The following NRG3 variants were observed in gnomAD, a reference collection of about 807,000 sequenced individuals.
NRG3 encodes pro-neuregulin-3, membrane-bound isoform.
Under a neutral mutation model 66.9 loss-of-function variants are expected in NRG3, and 31 were observed. That is an observed-to-expected ratio of 0.46 (90% confidence interval 0.35 to 0.63). The LOEUF is 0.63. Among genes scored for constraint, NRG3 ranks in the 20% least tolerant of loss-of-function variants. The pLI is 0.00. For missense variants in NRG3, 910 were observed against 878.9 expected (o/e 1.04, Z -0.45); for synonymous variants, 393 against 359.4 (o/e 1.09, Z -1.06).
intron 1 of NRG3, among the ~76,000 whole-genome samples, chr10:82,351,673 T>G (rs1055944302): frequency 4.6e-5 from 7 of 152,174 alleles, no homozygotes; most frequent in Non-Finnish European, 8.8e-5. Context: ...CACGTGTAAG[T>G]AAGGTAAAAT....
intron 2 of NRG3, among the ~76,000 whole-genome samples, chr10:82,693,062 C>T (rs560862578): frequency 6.6e-6 from 1 of 152,218 alleles, no homozygotes; most frequent in African/African-American, 2.4e-5. Context: ...TTGCCTCTGC[C>T]CACTCCTGTC....
intron 1 of NRG3, among the ~76,000 whole-genome samples, chr10:82,349,827 T>A (rs1589810685): frequency 6.6e-6 from 1 of 152,196 alleles, no homozygotes; most frequent in Non-Finnish European, 1.5e-5. Flanking sequence ...GACCCGATTT[T>A]CCAGGTGTGT....
At chr10:82,783,186 A>C (rs1476736717) in intron 3 of NRG3, among the ~76,000 whole-genome samples, 4 of 152,194 alleles carry the variant, frequency 2.6e-5, no homozygotes, top group Non-Finnish European at 5.9e-5. Context: ...TCAATAAATT[A>C]GGTGTTGATG....
At chr10:82,541,311 G>A (rs955889729) in intron 2 of NRG3, among the ~76,000 whole-genome samples, 13 of 152,100 alleles carry the variant, frequency 8.5e-5, no homozygotes, top group African/African-American at 3.1e-4. Context: ...TACTCATCTT[G>A]TAGCAGGACG....
rs992021420 is a variant in NRG3 at position 82,774,821 on chromosome 10, C to CTT, written c.1027+36191_1027+36192dup. Among the ~76,000 whole-genome samples, 129 of 77,980 alleles carry CTT rather than the reference C, an allele frequency of 1.7e-3. 3 individuals carry two copies. The highest frequency in any genetic ancestry group is 3.6e-3 in the East Asian group (10 of 2,806). 51.2% of individuals were successfully genotyped at this position (77,980 alleles called of 152,430 possible). ...AGTTTTATTTTCCTTTTTCTTTTTT[C>CTT]TTTTTTTTTTTTTTTTTTTTTGAGA... is the stretch of plus-strand genomic sequence containing the variant. On this transcript the variant is annotated intron_variant, in intron 3 of 8. Coordinates refer to ENST00000372141, the MANE Select transcript of NRG3 (RefSeq NM_001010848.4).
chr10:82,370,408 C>T (rs997278490), intron 2 of NRG3, among the ~76,000 whole-genome samples: 1 of 138,336 alleles, frequency 7.2e-6, no homozygotes, highest in Non-Finnish European at 1.5e-5. Context: ...TTCTCTGCCG[C>T]GTCGTTCTGC....
chr10:82,634,560 T>C (rs1028043910), intron 2 of NRG3, among the ~76,000 whole-genome samples: 2 of 152,170 alleles, frequency 1.3e-5, no homozygotes, highest in African/African-American at 2.4e-5. Flanking sequence ...TCTCATGAAA[T>C]AGACCCAGAA....
chr10:82,202,270 G>A (rs1372013050), intron 1 of NRG3, among the ~76,000 whole-genome samples: 1 of 152,196 alleles, frequency 6.6e-6, no homozygotes, highest in Non-Finnish European at 1.5e-5. Flanking sequence ...TTGAGGAAGA[G>A]ATAGCATTTT....
intron 2 of NRG3, among the ~76,000 whole-genome samples, chr10:82,531,332 A>G (rs1847238641): frequency 1.3e-5 from 2 of 151,776 alleles, no homozygotes; most frequent in Admixed American, 1.3e-4. Context: ...AAGTTGATTA[A>G]CATATATGAC....
chr10:82,876,916 G>A (rs1448311079), intron 4 of NRG3, among the ~76,000 whole-genome samples: 2 of 151,858 alleles, frequency 1.3e-5, no homozygotes, highest in Non-Finnish European at 2.9e-5. Flanking sequence ...CCAGCTACTT[G>A]GGAGGCTGCG....
At chr10:82,783,468 A>T (rs2060206810) in intron 3 of NRG3, among the ~76,000 whole-genome samples, 1 of 151,780 alleles carries the variant, frequency 6.6e-6, no homozygotes, top group African/African-American at 2.4e-5. Context: ...CCATTGTCTC[A>T]GCCCAAAATC....
chr10:82,872,441 A>G (rs564503521), intron 4 of NRG3, among the ~76,000 whole-genome samples: 1 of 152,138 alleles, frequency 6.6e-6, no homozygotes, highest in Non-Finnish European at 1.5e-5. Context: ...CTCAATGACC[A>G]GCTCTATTAG....
intron 1 of NRG3, among the ~76,000 whole-genome samples, chr10:82,256,555 G>A (rs565810331): frequency 3.9e-4 from 59 of 152,214 alleles, no homozygotes; most frequent in African/African-American, 1.4e-3. Context: ...CTACCTCTGT[G>A]TTTGCTCACA....
intron 3 of NRG3, among the ~76,000 whole-genome samples, chr10:82,750,862 C>T (rs2134934597): frequency 6.6e-6 from 1 of 152,148 alleles, no homozygotes; most frequent in Admixed American, 6.6e-5. Context: ...CATTCTCCAT[C>T]ATTTATTGAA....
At chr10:82,173,740 A>G (rs534610278) in intron 1 of NRG3, among the ~76,000 whole-genome samples, 372 of 151,718 alleles carry the variant, frequency 2.5e-3, no homozygotes, top group Middle Eastern at 0.01. Flanking sequence ...AGGCCAGACA[A>G]GAACACAAAG....
chr10:82,513,038 C>T (rs867353384), intron 2 of NRG3, among the ~76,000 whole-genome samples: 2 of 152,110 alleles, frequency 1.3e-5, no homozygotes, highest in East Asian at 3.9e-4. Context: ...TGGTTTGCTG[C>T]ACCTATCAAC....
intron 2 of NRG3, among the ~76,000 whole-genome samples, chr10:82,504,816 A>G (rs1011659447): frequency 3.3e-5 from 5 of 151,994 alleles, no homozygotes; most frequent in African/African-American, 1.2e-4. Context: ...CCCTCCTGGA[A>G]CCCAGCTAAT....
intron 4 of NRG3, among the ~76,000 whole-genome samples, chr10:82,923,373 T>A (rs1296249331): frequency 6.6e-6 from 1 of 152,184 alleles, no homozygotes; most frequent in African/African-American, 2.4e-5. Context: ...TATCTTTCCC[T>A]GCCTTCCAAA....
At chr10:82,919,099 GT>G (rs1846168826) in intron 4 of NRG3, among the ~76,000 whole-genome samples, 1 of 118,382 alleles carries the variant, frequency 8.4e-6, no homozygotes, top group African/African-American at 3.7e-5. Context: ...GTGTGTGTGT[GT>G]ATGTGTGTGT....
Sources: gnomAD v4.1 joint callset for allele counts (sites outside exome capture counted in the v4.1 genomes callset) on GRCh38, gnomAD v4.1.1 for gene constraint, MANE v1.5 for transcripts, NCBI Gene and HGNC (gene_info 2026-07-23, HGNC 2026-07-21) for gene names.